RBM6: variants seen among roughly 807,000 people sequenced by gnomAD.
RBM6 encodes RNA binding motif protein 6, also known as RNA-binding protein 6.
In RBM6, 23 loss-of-function variants were observed where a neutral mutation model predicts 140.4. The ratio of observed to expected loss-of-function variants is 0.16; its 90% CI spans 0.12 to 0.23. RBM6 has a LOEUF of 0.23. RBM6 is among the 10% of genes least tolerant of loss of function. The pLI is 1.00. For missense variants in RBM6, 1,139 were observed against 1,386.7 expected (o/e 0.82, Z 2.84); for synonymous variants, 439 against 475.6 (o/e 0.92, Z 1.00).
chr3:49,975,370 G>C lies in RBM6; in HGVS notation c.1461G>C (p.Leu487Phe). 2 of 1,613,780 alleles carry C rather than the reference G, an allele frequency of 1.2e-6. No homozygotes were observed. The highest frequency in any genetic ancestry group is 2.7e-5 in the African/African-American group (2 of 75,038). ...CTGATGGCATGCCTGTAAAGAACTT[G>C]CAGTTGAAGGAGTATAACACAGGTG... is the stretch of plus-strand genomic sequence containing the variant. ...RTPDGMPVKN[L>F]QLKEYNTGYD... Residue 487 changes from leucine to phenylalanine, a missense_variant, in exon 5 of 21, where the codon TTG (leucine) becomes TTC (phenylalanine). This residue lies in a region of RBM6 where 566 missense variants were observed against 612.7 expected (regional missense o/e 0.92). Coordinates refer to ENST00000266022, the MANE Select transcript of RBM6 (RefSeq NM_005777.3).
rs531897537 is a variant in RBM6, at chr3:50,006,683, A to G, written c.1557+7170A>G. ...TGCGGTGGCTCATGCCTGTAATCCT[A>G]GCAAGTTGGGAGGCCAAGACGGGCG... On this transcript the variant is annotated intron_variant, in intron 6 of 20. Coordinates refer to ENST00000266022, the MANE Select transcript of RBM6 (RefSeq NM_005777.3). 6.6e-5 allele frequency among the ~76,000 whole-genome samples: 10 copies of G among 151,278 alleles called. No individual in the cohort carries two copies. In the South Asian group the frequency reaches 2.1e-3, roughly 32 times the overall value.
At chr3:50,011,975 C>T (rs1314554039) in intron 6 of RBM6, among the ~76,000 whole-genome samples, 2 of 151,958 alleles carry the variant, frequency 1.3e-5, no homozygotes, top group African/African-American at 4.8e-5. Flanking sequence ...CCTCAACCTC[C>T]TGAGTAGCTG....
chr3:49,943,440 A>G (rs1031153137), intron 1 of RBM6, among the ~76,000 whole-genome samples: 4 of 152,076 alleles, frequency 2.6e-5, no homozygotes, highest in African/African-American at 9.7e-5. Flanking sequence ...AGCTGGGACT[A>G]CAGGCATGGG....
Position 50,010,218 on chromosome 3 carries a change from A to G in RBM6, c.1557+10705A>G, listed in dbSNP as rs1435165093. Among the ~76,000 whole-genome samples the G allele has an allele frequency of 2.0e-5, 3 of 152,126 alleles. No individual in the cohort carries two copies. The East Asian group carries it at 5.8e-4, about 29-fold the overall frequency. ...ATTAGTTTTAATCTCACAGGGTGAGATTTGTGAGGTTAATTTTGTATATTA... is the reference window on the plus strand; with the variant it reads ...ATTAGTTTTAATCTCACAGGGTGAGGTTTGTGAGGTTAATTTTGTATATTA... On this transcript the variant is annotated intron_variant, in intron 6 of 20. Transcript: ENST00000266022.
At chr3:50,068,653 C>A in intron 17 of RBM6, 37 bp from the exon 18 acceptor site, 1 of 1,593,538 alleles carries the variant, frequency 6.3e-7, no homozygotes, top group Non-Finnish European at 8.6e-7. Context: ...ACCATTGTTT[C>A]TTAGACCTAT....
intron 5 of RBM6, among the ~76,000 whole-genome samples, chr3:49,982,528 C>T (rs2085358034): frequency 6.6e-6 from 1 of 151,782 alleles, no homozygotes; most frequent in Non-Finnish European, 1.5e-5. Flanking sequence ...GATTCTCCTG[C>T]CTCAGTCTCC....
In RBM6 at chr3:50,077,034, T is replaced by A; in HGVS notation, c.3273T>A (p.Ser1091Arg). The A allele has an allele frequency of 6.2e-7, 1 of 1,612,632 alleles. No homozygotes were observed. The highest frequency in any genetic ancestry group is 8.5e-7 in the Non-Finnish European group (1 of 1,179,754). The part of the protein sequence containing the change: ...EEAEGRMRGP[S>R]VGASGRTSKR... ...CTGAAGGCCGGATGAGGGGCCCCAG[T>A]GTTGGAGCCTCAGGAAGAACCAGCA... is the stretch of plus-strand genomic sequence containing the variant. The change falls in exon 21 of 21, where the codon AGT (serine) becomes AGA (arginine). Residue 1091 changes from serine (S) to arginine (R), a missense_variant. By Grantham distance (110) the Ser-to-Arg change is moderately radical (BLOSUM62 -1). Coordinates refer to ENST00000266022, the MANE Select transcript of RBM6 (RefSeq NM_005777.3).
At chr3:50,026,953 G>A (rs184000372) in intron 6 of RBM6, among the ~76,000 whole-genome samples, 1 of 151,334 alleles carries the variant, frequency 6.6e-6, no homozygotes, top group East Asian at 1.9e-4. Context: ...ATGATTTGAT[G>A]ATTTCATTCG....
intron 6 of RBM6, among the ~76,000 whole-genome samples, chr3:50,017,328 C>T (rs140431694): frequency 0.011 from 1,682 of 152,118 alleles, 40 homozygotes; most frequent in African/African-American, 0.039. Context: ...GAGGCCGAGG[C>T]GGGTGGATCA....
At chr3:50,002,206 G>A (rs1370309076) in intron 6 of RBM6, among the ~76,000 whole-genome samples, 1 of 151,862 alleles carries the variant, frequency 6.6e-6, no homozygotes, top group Non-Finnish European at 1.5e-5. Context: ...TCCTGTCTCA[G>A]CCTCCCAGGT....
At chr3:49,984,611 ACATCGCATCG>A (rs72219946) in intron 5 of RBM6, among the ~76,000 whole-genome samples, 1,118 of 86,126 alleles carry the variant, frequency 0.013, 9 homozygotes, top group Admixed American at 0.02. Context: ...ACATCACATC[ACATCGCATCG>A]CATCGCATCG....
At chr3:49,978,671 A>G (rs2085166842) in intron 5 of RBM6, among the ~76,000 whole-genome samples, 1 of 152,210 alleles carries the variant, frequency 6.6e-6, no homozygotes, top group Non-Finnish European at 1.5e-5. Flanking sequence ...CATAATACTT[A>G]CGCTGCAAAA....
At position 49,984,660 on chromosome 3, in the gene RBM6, CGCATT is replaced by C. The variant is rs1371597325; in HGVS notation, c.1483+9273_1483+9277del. On this transcript the variant is annotated intron_variant, in intron 5 of 20. Transcript: ENST00000266022. ...CGCATCGCATCGCATCGCATCGCAT[CGCATT>C]GCATCACATCACATCACAACATAAC... Among the ~76,000 whole-genome samples the C allele has an allele frequency of 5.7e-4, 81 of 141,172 alleles. 1 individual carries two copies. The highest frequency in any genetic ancestry group is 7.5e-3 in the Middle Eastern group (2 of 266). 92.6% of individuals were successfully genotyped at this position (141,172 alleles called of 152,430 possible). A position where few individuals can be genotyped will look rare whatever the true frequency, so the allele number is the denominator to read the frequency against.
At chr3:49,968,858 C>G in intron 3 of RBM6, 110 bp downstream of exon 3, 1 of 1,278,276 alleles carries the variant, frequency 7.8e-7, no homozygotes, top group Non-Finnish European at 1.0e-6. Context: ...TCTGCTCATG[C>G]AAGCTCCGCC....
At chr3:49,960,697 T>G (rs2084240947) in intron 1 of RBM6, among the ~76,000 whole-genome samples, 2 of 152,294 alleles carry the variant, frequency 1.3e-5, no homozygotes, top group South Asian at 2.1e-4. Flanking sequence ...CATGTCTGTC[T>G]TCAAAGCAAT....
chr3:50,014,676 A>G (rs1270000500), intron 6 of RBM6, among the ~76,000 whole-genome samples: 2 of 152,184 alleles, frequency 1.3e-5, no homozygotes, highest in Non-Finnish European at 2.9e-5. Context: ...TAAAAGATGC[A>G]TATATTTTAT....
intron 1 of RBM6, among the ~76,000 whole-genome samples, chr3:49,941,660 A>C (rs1470040502): frequency 1.3e-5 from 2 of 150,490 alleles, no homozygotes; most frequent in Non-Finnish European, 3.0e-5. Flanking sequence ...AAAAAAAAAA[A>C]AAAAAAAAAA....
chr3:49,954,935 A>G (rs955423191), intron 1 of RBM6, among the ~76,000 whole-genome samples: 6 of 151,560 alleles, frequency 4.0e-5, no homozygotes, highest in African/African-American at 7.3e-5. Context: ...ATTTTTTTGT[A>G]TTTTAAGTAG....
chr3:49,985,410 C>G (rs2085509306), intron 5 of RBM6, among the ~76,000 whole-genome samples: 1 of 152,134 alleles, frequency 6.6e-6, no homozygotes, highest in African/African-American at 2.4e-5. Flanking sequence ...CTCACTGTTT[C>G]TAGGTTACAT....
Sources: gnomAD v4.1 joint callset for allele counts (sites outside exome capture counted in the v4.1 genomes callset) on GRCh38, gnomAD v4.1.1 for gene constraint, gnomAD v4.1.1 regional missense constraint, MANE v1.5 for transcripts, NCBI Gene and HGNC (gene_info 2026-07-23, HGNC 2026-07-21) for gene names.